KHDRBS2: variants seen among roughly 807,000 people sequenced by gnomAD.
The protein encoded by KHDRBS2 is KH domain-containing, RNA-binding, signal transduction-associated protein 2.
In KHDRBS2, 26 loss-of-function variants were observed where a neutral mutation model predicts 44.3. The observed-to-expected ratio is 0.59, with a 90% confidence interval of 0.43 to 0.81. KHDRBS2 has a LOEUF of 0.81. KHDRBS2 is among the 40% of genes least tolerant of loss of function. KHDRBS2 has a pLI of 0.00. For missense variants in KHDRBS2, 476 were observed against 433.1 expected, an observed-to-expected ratio of 1.10 and a Z score of -0.88; for synonymous variants, 194 against 151.1, an observed-to-expected ratio of 1.28 and a Z score of -2.08.
intron 6 of KHDRBS2, among the ~76,000 whole-genome samples, chr6:61,849,866 C>A (rs1251970434): frequency 1.3e-5 from 2 of 152,022 alleles, no homozygotes; most frequent in Non-Finnish European, 2.9e-5. Flanking sequence ...GTGGATGAAT[C>A]CTATGGCTTA....
the KHDRBS2 span, among the ~76,000 whole-genome samples, chr6:61,647,584 T>C: frequency 6.6e-6 from 1 of 152,198 alleles, no homozygotes; most frequent in Non-Finnish European, 1.5e-5. Context: ...TTCTAAATTC[T>C]GAAATCAGGC....
intron 2 of KHDRBS2, among the ~76,000 whole-genome samples, chr6:62,070,320 G>A (rs1372428330): frequency 7.1e-6 from 1 of 139,996 alleles, no homozygotes; most frequent in Non-Finnish European, 1.6e-5. Flanking sequence ...AAAATAAGTT[G>A]GAAAGTGTTC....
chr6:62,165,675 T>C (rs1266702528), intron 2 of KHDRBS2, among the ~76,000 whole-genome samples: 2 of 151,948 alleles, frequency 1.3e-5, no homozygotes. Context: ...GCATAAAATT[T>C]ACCATTTTAA....
chr6:62,060,379 G>C lies in KHDRBS2; in HGVS notation c.220-12385C>G, dbSNP rs1015354076. ...TAAATTTAAACTCTGACTGCAGTTTGAGGATTGGAAGACTACACAAAGACC... is the reference window on the plus strand; with the variant it reads ...TAAATTTAAACTCTGACTGCAGTTTCAGGATTGGAAGACTACACAAAGACC... On this transcript the variant is annotated intron_variant, in intron 2 of 8. Transcript: ENST00000281156. 2.6e-4 allele frequency among the ~76,000 whole-genome samples: 40 copies of C among 151,816 alleles called. 1 individual carries two copies. The highest frequency in any genetic ancestry group is 1.6e-3 in the Admixed American group (25 of 15,186).
chr6:62,066,133 A>G (rs965699344), intron 2 of KHDRBS2, among the ~76,000 whole-genome samples: 14 of 148,212 alleles, frequency 9.4e-5, no homozygotes, highest in Admixed American at 8.1e-4. Flanking sequence ...CATTAAAAAT[A>G]TCATTATTAA....
At chr6:61,726,481 C>A (rs1351797343) in intron 7 of KHDRBS2, among the ~76,000 whole-genome samples, 2 of 151,954 alleles carry the variant, frequency 1.3e-5, no homozygotes, top group South Asian at 4.1e-4. Context: ...AGAAGTCGAA[C>A]TCTCTTTATT....
the KHDRBS2 span, among the ~76,000 whole-genome samples, chr6:61,566,834 A>G: frequency 1.3e-5 from 2 of 152,198 alleles, no homozygotes; most frequent in Non-Finnish European, 2.9e-5. Flanking sequence ...TATGCATCAA[A>G]GATGTCCTAA....
chr6:61,681,073 G>T lies in KHDRBS2; in HGVS notation c.953-13C>A, dbSNP rs1186915162. ...CATTCTTCTGGTGCTGTGAAAAAGA[G>T]AAAGATAGTAACACACACATGACTT... On this transcript the variant is annotated splice_polypyrimidine_tract_variant and intron_variant, in intron 8 of 8. Transcript: ENST00000281156. 9.5e-6 allele frequency: 15 copies of T among 1,583,678 alleles called. No individual in the cohort carries two copies. The highest frequency in any genetic ancestry group is 1.2e-5 in the Non-Finnish European group (14 of 1,153,674).
chr6:62,086,064 A>C (rs114258668), intron 2 of KHDRBS2, among the ~76,000 whole-genome samples: 2,333 of 152,312 alleles, frequency 0.015, 18 homozygotes, highest in Non-Finnish European at 0.026. Context: ...ACCAACGTAC[A>C]TCAACAATTC....
the KHDRBS2 span, among the ~76,000 whole-genome samples, chr6:61,659,751 T>C: frequency 6.6e-6 from 1 of 151,674 alleles, no homozygotes; most frequent in Non-Finnish European, 1.5e-5. Context: ...ACAAAGCTAA[T>C]TCTATCAGCC....
chr6:62,063,760 G>A (rs1303032109), intron 2 of KHDRBS2, among the ~76,000 whole-genome samples: 1 of 127,718 alleles, frequency 7.8e-6, no homozygotes, highest in Non-Finnish European at 1.7e-5. Flanking sequence ...ATTCAACATA[G>A]TGTTGGAAGT....
At chr6:62,240,438 T>C (rs916688611) in intron 1 of KHDRBS2, among the ~76,000 whole-genome samples, 1 of 151,596 alleles carries the variant, frequency 6.6e-6, no homozygotes, top group Admixed American at 6.6e-5. Context: ...GGGTACTGGG[T>C]ATGTTTGTTG....
the KHDRBS2 span, among the ~76,000 whole-genome samples, chr6:61,622,683 G>A: frequency 2.6e-5 from 4 of 152,170 alleles, no homozygotes; most frequent in African/African-American, 9.6e-5. Flanking sequence ...GGAAATGCCT[G>A]AGTTTCCCCG....
intron 2 of KHDRBS2, among the ~76,000 whole-genome samples, chr6:62,170,950 C>T (rs1320664027): frequency 1.0e-5 from 1 of 97,884 alleles, no homozygotes; most frequent in East Asian, 2.9e-4. Context: ...AGAAGATAAA[C>T]GCAAAAAAAA....
intron 1 of KHDRBS2, among the ~76,000 whole-genome samples, chr6:62,197,316 C>A (rs1467041096): frequency 5.3e-5 from 8 of 152,016 alleles, no homozygotes; most frequent in Admixed American, 6.6e-5. Context: ...ATTTTGAACA[C>A]AGATCAAACA....
At chr6:61,997,380 T>C (rs1221044823) in intron 3 of KHDRBS2, among the ~76,000 whole-genome samples, 1 of 152,164 alleles carries the variant, frequency 6.6e-6, no homozygotes, top group Non-Finnish European at 1.5e-5. Context: ...ACCTCTAGGA[T>C]TGTCACATGT....
chr6:62,156,834 G>A (rs1353131536), intron 2 of KHDRBS2, among the ~76,000 whole-genome samples: 19 of 99,584 alleles, frequency 1.9e-4, no homozygotes, highest in African/African-American at 6.3e-4. Context: ...ACCACGCCCG[G>A]CTAATTTTTT....
At chr6:61,737,385 C>G (rs1775530931) in intron 6 of KHDRBS2, among the ~76,000 whole-genome samples, 1 of 151,966 alleles carries the variant, frequency 6.6e-6, no homozygotes, top group African/African-American at 2.4e-5. Context: ...TTAAAACCAT[C>G]TTTTTATTAA....
At chr6:61,767,291 G>C (rs1004684565) in intron 6 of KHDRBS2, among the ~76,000 whole-genome samples, 2 of 151,492 alleles carry the variant, frequency 1.3e-5, no homozygotes, top group Non-Finnish European at 2.9e-5. Flanking sequence ...CTCTTTTTTG[G>C]ATTCCATTTG....
Sources: allele counts gnomAD v4.1 joint callset (sites outside exome capture counted in the v4.1 genomes callset), GRCh38; gene constraint gnomAD v4.1.1; transcripts MANE v1.5; gene names NCBI Gene and HGNC (gene_info 2026-07-23, HGNC 2026-07-21).